Variants in PDSS2 observed in about 807,000 individuals in gnomAD.
The protein encoded by PDSS2 is decaprenyl diphosphate synthase subunit 2.
PDSS2 carries 31 observed loss-of-function variants against 44.5 expected under a neutral mutation model. The observed-to-expected ratio is 0.70, with a 90% CI of 0.52 to 0.94. The LOEUF is 0.94. Ranked by LOEUF, PDSS2 falls within the 40% of genes least tolerant of loss-of-function variation. The probability of loss-of-function intolerance (pLI) is 0.00; values close to 1 mark genes in which losing one functional copy is unlikely to be tolerated. For synonymous variants in PDSS2, 157 were observed against 180.3 expected (o/e 0.87, Z 1.03); for missense variants, 452 against 482.2 (o/e 0.94, Z 0.59).
chr6:107,165,365 T>C (rs1771305342), intron 7 of PDSS2, among the ~76,000 whole-genome samples: 1 of 152,222 alleles, frequency 6.6e-6, no homozygotes, highest in Non-Finnish European at 1.5e-5. Flanking sequence ...AGGGATCCAG[T>C]TTCAGCTTTC....
In PDSS2 at chr6:107,280,271, A is replaced by C. The variant is rs556772676; in HGVS notation, c.432-6044T>G. 1.1e-4 allele frequency among the ~76,000 whole-genome samples: 16 copies of C among 152,268 alleles called. No homozygotes were observed. The East Asian group carries it at 1.9e-3, about 18-fold the overall frequency. ...GAGACAGGGTTTCACCATGTTGGCC[A>C]GGCTGGTCTTAAACTCCTGACCTCA... On this transcript the variant is annotated intron_variant, in intron 2 of 7. Transcript: ENST00000369037.
intron 1 of PDSS2, among the ~76,000 whole-genome samples, chr6:107,376,905 T>C: frequency 6.6e-6 from 1 of 152,048 alleles, no homozygotes; most frequent in East Asian, 1.9e-4. Context: ...GATTAAAGAC[T>C]TAAATGTTAG....
intron 7 of PDSS2, among the ~76,000 whole-genome samples, chr6:107,188,983 T>A (rs1407013721): frequency 1.3e-5 from 2 of 152,162 alleles, no homozygotes; most frequent in Admixed American, 1.3e-4. Context: ...TGATCACAAC[T>A]CACTGCAGCC....
intron 1 of PDSS2, among the ~76,000 whole-genome samples, chr6:107,383,043 T>C (rs573709953): frequency 6.6e-6 from 1 of 151,904 alleles, no homozygotes; most frequent in Admixed American, 6.6e-5. Context: ...GGCTCACATC[T>C]GTAATCCCAA....
chr6:107,222,860 C>T (rs530387632), intron 4 of PDSS2, among the ~76,000 whole-genome samples: 22 of 151,960 alleles, frequency 1.4e-4, no homozygotes, highest in Non-Finnish European at 3.1e-4. Context: ...AATCTAAGCA[C>T]ATTGGGAGGC....
intron 2 of PDSS2, among the ~76,000 whole-genome samples, chr6:107,297,139 A>C (rs1340732656): frequency 6.6e-6 from 1 of 152,204 alleles, no homozygotes; most frequent in Non-Finnish European, 1.5e-5. Context: ...AATACACCCC[A>C]TCCTAACCAG....
chr6:107,164,455 C>T (rs186988698), intron 7 of PDSS2, among the ~76,000 whole-genome samples: 14 of 152,164 alleles, frequency 9.2e-5, no homozygotes, highest in Admixed American at 7.2e-4. Context: ...CTGAGAATGA[C>T]GGTTTCCGGT....
chr6:107,291,522 T>G (rs1450735883), intron 2 of PDSS2, among the ~76,000 whole-genome samples: 1 of 137,404 alleles, frequency 7.3e-6, no homozygotes, highest in East Asian at 2.0e-4. Flanking sequence ...TAATTTTTAG[T>G]TAGTTTTTTT....
At chr6:107,261,738 C>T (rs567982755) in intron 3 of PDSS2, among the ~76,000 whole-genome samples, 3 of 151,472 alleles carry the variant, frequency 2.0e-5, no homozygotes, top group East Asian at 1.9e-4. Flanking sequence ...CCACCATGCC[C>T]GGCTAATTTT....
intron 2 of PDSS2, among the ~76,000 whole-genome samples, chr6:107,331,599 A>G (rs539679079): frequency 3.3e-5 from 5 of 152,328 alleles, no homozygotes; most frequent in South Asian, 2.1e-4. Flanking sequence ...ATCACAGTGC[A>G]CCATGTGCAT....
At chr6:107,234,523 AT>A (rs11313991) in intron 4 of PDSS2, among the ~76,000 whole-genome samples, 28,569 of 147,128 alleles carry the variant, frequency 0.19, 2,927 homozygotes, top group East Asian at 0.33. Context: ...ATCTTACTAG[AT>A]TTTTTTTTTT....
intron 2 of PDSS2, among the ~76,000 whole-genome samples, chr6:107,281,043 A>T (rs535144372): frequency 1.4e-4 from 22 of 152,254 alleles, no homozygotes; most frequent in African/African-American, 3.4e-4. Context: ...TTTCTGAGAA[A>T]TTTACTGAGT....
At chr6:107,434,877 A>G (rs1448580138) in intron 1 of PDSS2, among the ~76,000 whole-genome samples, 2 of 152,086 alleles carry the variant, frequency 1.3e-5, no homozygotes, top group Admixed American at 6.6e-5. Context: ...GTGTGTGTGT[A>G]TATATATACA....
chr6:107,417,275 G>A (rs1227848652), intron 1 of PDSS2, among the ~76,000 whole-genome samples: 1 of 152,002 alleles, frequency 6.6e-6, no homozygotes, highest in African/African-American at 2.4e-5. Flanking sequence ...CACCTGATTA[G>A]CAAAAATCTT....
chr6:107,357,231 G>A (rs564454290), intron 1 of PDSS2, among the ~76,000 whole-genome samples: 1 of 152,074 alleles, frequency 6.6e-6, no homozygotes, highest in Non-Finnish European at 1.5e-5. Context: ...TAAAGGAACA[G>A]GTGTCTTGGG....
intron 1 of PDSS2, among the ~76,000 whole-genome samples, chr6:107,393,604 A>C (rs891272458): frequency 2.6e-5 from 4 of 152,172 alleles, no homozygotes; most frequent in African/African-American, 9.7e-5. Context: ...AGGAGTATTA[A>C]AATCTCCTAC....
chr6:107,183,998 TCAAAACAAAA>T (rs10601180), intron 7 of PDSS2, among the ~76,000 whole-genome samples: 7 of 151,234 alleles, frequency 4.6e-5, no homozygotes, highest in African/African-American at 1.5e-4. Flanking sequence ...AAACTCTGTC[TCAAAACAAAA>T]CAAAACAAAA....
At chr6:107,357,800 C>T (rs77061689) in intron 1 of PDSS2, among the ~76,000 whole-genome samples, 2 of 152,084 alleles carry the variant, frequency 1.3e-5, no homozygotes, top group Admixed American at 6.6e-5. Context: ...TTTGAGGAAT[C>T]TTTACATTTT....
chr6:107,453,076 T>TC (rs1418504446), intron 1 of PDSS2, among the ~76,000 whole-genome samples: 1 of 151,904 alleles, frequency 6.6e-6, no homozygotes, highest in Non-Finnish European at 1.5e-5. Context: ...TCCTATGTTT[T>TC]CTTTTTTTTT....
Sources: gnomAD v4.1 joint callset for allele counts (sites outside exome capture counted in the v4.1 genomes callset) on GRCh38, gnomAD v4.1.1 for gene constraint, MANE v1.5 for transcripts, NCBI Gene and HGNC (gene_info 2026-07-23, HGNC 2026-07-21) for gene names.